The following PTPRC variants were observed in gnomAD, a reference collection of about 807,000 sequenced individuals.
The protein encoded by PTPRC is protein tyrosine phosphatase receptor type C, also known as receptor-type tyrosine-protein phosphatase C.
Under a neutral mutation model 155.9 loss-of-function variants are expected in PTPRC, and 44 were observed. The observed-to-expected ratio is 0.28, with a 90% CI of 0.22 to 0.36. The LOEUF (loss-of-function observed/expected upper bound fraction) is 0.36. PTPRC is among the 10% of genes least tolerant of loss of function. PTPRC has a pLI of 1.00. For synonymous variants in PTPRC, 525 were observed against 533.1 expected, an observed-to-expected ratio of 0.98 and a Z score of 0.21; for missense variants, 1,401 against 1,564.6, an observed-to-expected ratio of 0.90 and a Z score of 1.76.
In PTPRC at chr1:198,752,263, G is replaced by C. The variant is rs190241405; in HGVS notation, c.3222G>C (p.Gln1074His). ...LKHGDQEICAQYWGEGKQTYG... is the reference protein window; with the variant it reads ...LKHGDQEICAHYWGEGKQTYG... ...CTTTTATCTAGGAAATCTGTGCTCA[G>C]TACTGGGGAGAAGGAAAGCAAACAT... Residue 1074 changes from glutamine (Q) to histidine (H), a missense_variant, in exon 30 of 33, where the codon CAG (glutamine) becomes CAC (histidine). By Grantham distance (24) the Gln-to-His change is conservative. This residue lies in a region of PTPRC where 400 missense variants were observed against 389.5 expected (regional missense o/e 1.03). Coordinates refer to ENST00000442510, the MANE Select transcript of PTPRC (RefSeq NM_002838.5). The C allele has an allele frequency of 6.2e-7, 1 of 1,611,646 alleles. No individual in the cohort carries two copies. Among genetic ancestry groups the C allele is most frequent in the African/African-American group, 1.3e-5 (1 of 74,802 alleles).
intron 24 of PTPRC, 95 bp downstream of exon 24, chr1:198,742,121 A>G (rs1023871960): frequency 1.9e-6 from 3 of 1,600,676 alleles, no homozygotes; most frequent in East Asian, 2.2e-5. Context: ...CCCTTTGGCA[A>G]TTGCTATTTT....
chr1:198,731,805 G>A lies in PTPRC; in HGVS notation c.1974+79G>A, dbSNP rs752249636. 4.7e-4 allele frequency: 537 copies of A among 1,148,128 alleles called. 1 individual carries two copies. Among genetic ancestry groups the A allele is most frequent in the Non-Finnish European group, 6.6e-4 (500 of 761,452 alleles). The allele number at this position is 1,148,128 out of a possible 1,614,324, so 71.1% of individuals were successfully genotyped here. On this transcript the variant is annotated intron_variant, in intron 18 of 32. Transcript: ENST00000442510. ...TTTAAGTGTATTTATATTGCCATTT[G>A]CCTTTATAATTTATCCCACTTGATA...
At chr1:198,642,357 A>ATCTATCT (rs1557959477) in intron 2 of PTPRC, among the ~76,000 whole-genome samples, 1 of 103,154 alleles carries the variant, frequency 9.7e-6, no homozygotes, top group South Asian at 3.0e-4. Context: ...TATACTAGTC[A>ATCTATCT]ATCTATCTAT....
chr1:198,697,404 A>G (rs1362748224), intron 4 of PTPRC, among the ~76,000 whole-genome samples: 1 of 152,180 alleles, frequency 6.6e-6, no homozygotes, highest in African/African-American at 2.4e-5. Flanking sequence ...CAATTTTGTT[A>G]TTTGAGTTTC....
chr1:198,696,790 C>A lies in PTPRC; in HGVS notation c.179C>A (p.Ala60Glu). 1 of 1,614,072 alleles carries A rather than the reference C, an allele frequency of 6.2e-7. No individual in the cohort carries two copies. Reference protein sequence around the residue: ...LPTHTTAFSPASTFERENDFS... With the variant: ...LPTHTTAFSPESTFERENDFS... Reference sequence around the variant, plus strand: ...ACTCACACCACTGCATTCTCACCCGCAAGCACCTTTGAAAGAGAAAATGAC... The same window carrying A: ...ACTCACACCACTGCATTCTCACCCGAAAGCACCTTTGAAAGAGAAAATGAC... The change falls in exon 4 of 33, where the codon GCA becomes GAA. Residue 60 changes from alanine to glutamate, a missense_variant. This residue lies in a region of PTPRC where 867 missense variants were observed against 970.4 expected (regional missense o/e 0.89). Transcript: ENST00000442510.
chr1:198,692,950 C>A lies in PTPRC; in HGVS notation c.100+577C>A, dbSNP rs1018975255. 2.0e-5 allele frequency: 18 copies of A among 915,570 alleles called. No homozygotes were observed. The African/African-American group carries it at 3.2e-4, about 16-fold the overall frequency. 56.7% of individuals were successfully genotyped at this position (915,570 alleles called of 1,614,324 possible). ...CAGAGATGCTGCAAATAAATTCATA[C>A]ATAGTACATACAAAATAAGAGAAAA... is the stretch of plus-strand genomic sequence containing the variant. On this transcript the variant is annotated intron_variant, in intron 3 of 32. Transcript: ENST00000442510.
At chr1:198,710,855 T>A (rs1262853817) in intron 11 of PTPRC, among the ~76,000 whole-genome samples, 2 of 152,236 alleles carry the variant, frequency 1.3e-5, no homozygotes, top group Non-Finnish European at 2.9e-5. Flanking sequence ...ATTCTAAATT[T>A]TGTTTTGTTT....
intron 3 of PTPRC, chr1:198,693,334 A>G (rs574147240): frequency 4.2e-6 from 1 of 235,316 alleles, no homozygotes; most frequent in South Asian, 1.6e-4. Context: ...GTGATGTTTT[A>G]TAAATAAATA....
At chr1:198,644,081 A>G (rs190433528) in intron 2 of PTPRC, among the ~76,000 whole-genome samples, 6 of 152,010 alleles carry the variant, frequency 3.9e-5, no homozygotes, top group Admixed American at 3.9e-4. Context: ...TGTATATGTC[A>G]CCTTGGTGCA....
chr1:198,675,314 T>C (rs1664890540), intron 2 of PTPRC, among the ~76,000 whole-genome samples: 1 of 152,124 alleles, frequency 6.6e-6, no homozygotes, highest in African/African-American at 2.4e-5. Flanking sequence ...TAATAGACAA[T>C]AAAATGTATT....
In PTPRC at chr1:198,708,287, AT is replaced by A. The variant is rs556118862; in HGVS notation, c.1033+35del. 2.6e-3 allele frequency: 4,040 copies of A among 1,574,266 alleles called. 13 individuals are homozygous for A. Among genetic ancestry groups the A allele is most frequent in the Non-Finnish European group, 3.1e-3 (3,588 of 1,151,614 alleles). ...GTAAGAATATAACATTGACCAGAGAATTTTTTTTTGTGGCACAATGTTGTTC... is the reference window on the plus strand; with the variant it reads ...GTAAGAATATAACATTGACCAGAGAATTTTTTTTGTGGCACAATGTTGTTC... On this transcript the variant is annotated intron_variant, in intron 10 of 32. Coordinates refer to ENST00000442510, the MANE Select transcript of PTPRC (RefSeq NM_002838.5).
At position 198,685,975 on chromosome 1, in the gene PTPRC, G is replaced by A. The variant is rs1053325603; in HGVS notation, c.74-6372G>A. Among the ~76,000 whole-genome samples, 10 of 151,842 alleles carry A rather than the reference G, an allele frequency of 6.6e-5. No homozygotes were observed. The South Asian group carries it at 1.2e-3, about 19-fold the overall frequency. On this transcript the variant is annotated intron_variant, in intron 2 of 32. Transcript: ENST00000442510. ...TTTTCTTTTTTTTTTAGCGGGGAGG[G>A]AGAACGGGTGATATTTAAAGCCCAA... is the stretch of plus-strand genomic sequence containing the variant.
intron 2 of PTPRC, among the ~76,000 whole-genome samples, chr1:198,648,364 A>T (rs1663047992): frequency 6.6e-6 from 1 of 151,834 alleles, no homozygotes; most frequent in Admixed American, 6.6e-5. Flanking sequence ...AGCTAATAGC[A>T]AATGAGAGTT....
rs549710545 is a variant in PTPRC at position 198,752,577 on chromosome 1, T to G, written c.3331-17T>G. The stretch of plus-strand genomic sequence containing the variant: ...GAACTTCACTCCAGTTAATGCTCTC[T>G]TCAATTCTGATTTTAGAGGAAAGAC... On this transcript the variant is annotated splice_polypyrimidine_tract_variant and intron_variant, in intron 30 of 32. Transcript: ENST00000442510. The G allele has an allele frequency of 7.1e-5, 115 of 1,609,204 alleles. No individual in the cohort carries two copies. The highest frequency in any genetic ancestry group is 3.3e-4 in the Middle Eastern group (2 of 6,062).
intron 2 of PTPRC, among the ~76,000 whole-genome samples, chr1:198,662,077 T>C (rs1332642845): frequency 6.6e-6 from 1 of 152,180 alleles, no homozygotes; most frequent in Non-Finnish European, 1.5e-5. Flanking sequence ...AGTTTTTATA[T>C]TGTACAAATC....
At chr1:198,680,664 A>G (rs1464558971) in intron 2 of PTPRC, among the ~76,000 whole-genome samples, 2 of 151,976 alleles carry the variant, frequency 1.3e-5, no homozygotes, top group Non-Finnish European at 2.9e-5. Context: ...GGATGGAGGA[A>G]GTTGTCAGTT....
chr1:198,751,380 A>G (rs376157631), intron 29 of PTPRC, among the ~76,000 whole-genome samples: 17 of 152,160 alleles, frequency 1.1e-4, no homozygotes, highest in East Asian at 9.7e-4. Flanking sequence ...CACCAACCAC[A>G]TTATCTGACA....
In PTPRC at chr1:198,696,167, A is replaced by AATATAT. The variant is rs58023006; in HGVS notation, c.101-531_101-526dup. On this transcript the variant is annotated intron_variant, in intron 3 of 32. Coordinates refer to ENST00000442510, the MANE Select transcript of PTPRC (RefSeq NM_002838.5). ...GAGTGAGACTCTGTCTCAAAAAGAA[A>AATATAT]ATATATATATATATATATAGATAGA... is the stretch of plus-strand genomic sequence containing the variant. Among the ~76,000 whole-genome samples, 8 of 145,800 alleles carry AATATAT rather than the reference A, an allele frequency of 5.5e-5. No individual in the cohort carries two copies. In the South Asian group the frequency reaches 8.7e-4, roughly 16 times the overall value.
chr1:198,644,005 G>A (rs1161123228), intron 2 of PTPRC, among the ~76,000 whole-genome samples: 1 of 151,854 alleles, frequency 6.6e-6, no homozygotes, highest in Admixed American at 6.6e-5. Context: ...TTGTACTGAG[G>A]TTGATTCATT....
Sources: allele counts gnomAD v4.1 joint callset (sites outside exome capture counted in the v4.1 genomes callset), GRCh38; gene constraint gnomAD v4.1.1; regional missense constraint gnomAD v4.1.1; transcripts MANE v1.5; gene names NCBI Gene and HGNC (gene_info 2026-07-23, HGNC 2026-07-21).